RAD51B: variants seen among roughly 807,000 people sequenced by gnomAD.
RAD51B encodes the protein RAD51 paralog B.
Under a neutral mutation model 42.2 loss-of-function variants are expected in RAD51B, and 38 were observed. The ratio of observed to expected loss-of-function variants is 0.90; its 90% CI spans 0.70 to 1.18. The LOEUF is 1.18. RAD51B is among the 50% of genes most tolerant of loss of function. The pLI is 0.00. For missense variants in RAD51B, 373 were observed against 400.7 expected (o/e 0.93, Z 0.59); for synonymous variants, 154 against 145.2 (o/e 1.06, Z -0.43).
At chr14:68,087,845 T>TTATTATATATATAATTATATAATA in intron 7 of RAD51B, among the ~76,000 whole-genome samples, 1 of 126,386 alleles carries the variant, frequency 7.9e-6, no homozygotes, top group Non-Finnish European at 1.6e-5. Flanking sequence ...AATTATATAA[T>TTATTATATATATAATTATATAATA]TATTATATAT....
At chr14:68,314,830 C>T (rs1331046934) in intron 8 of RAD51B, among the ~76,000 whole-genome samples, 2 of 152,128 alleles carry the variant, frequency 1.3e-5, no homozygotes, top group Non-Finnish European at 1.5e-5. Context: ...TTCTTAATTA[C>T]GACTTCCCCT....
Position 68,267,995 on chromosome 14 carries a change from C to G in RAD51B, c.757-23889C>G, listed in dbSNP as rs565603646. Among the ~76,000 whole-genome samples the G allele has an allele frequency of 2.0e-5, 3 of 152,258 alleles. No homozygotes were observed. The South Asian group carries it at 6.2e-4, about 32-fold the overall frequency. On this transcript the variant is annotated intron_variant, in intron 7 of 10. Coordinates refer to ENST00000471583, the MANE Select transcript of RAD51B (RefSeq NM_133510.4). ...GCAGTTCTCAGCTGCAGTTATAAAT[C>G]ACTGTTGTTTTAAGTAAGTGACCTA...
intron 7 of RAD51B, among the ~76,000 whole-genome samples, chr14:67,907,829 A>G (rs1242613949): frequency 1.3e-5 from 2 of 151,360 alleles, no homozygotes; most frequent in African/African-American, 4.9e-5. Flanking sequence ...ACAGCTTACT[A>G]CAGCATTTAA....
chr14:68,260,043 A>G (rs1037469710), intron 7 of RAD51B, among the ~76,000 whole-genome samples: 1 of 152,066 alleles, frequency 6.6e-6, no homozygotes. Context: ...ATATTTGACC[A>G]GGGAAATAAA....
intron 7 of RAD51B, among the ~76,000 whole-genome samples, chr14:68,040,121 T>C (rs1383311586): frequency 6.6e-6 from 1 of 152,208 alleles, no homozygotes; most frequent in South Asian, 2.1e-4. Flanking sequence ...ATGCAACATA[T>C]ATGAATAAGG....
At chr14:67,995,968 T>G (rs2075377416) in intron 7 of RAD51B, among the ~76,000 whole-genome samples, 1 of 152,154 alleles carries the variant, frequency 6.6e-6, no homozygotes, top group Admixed American at 6.5e-5. Flanking sequence ...TGGTACAATT[T>G]ATTCATTCAA....
At chr14:68,630,410 T>A (rs1020517130) in intron 10 of RAD51B, among the ~76,000 whole-genome samples, 1 of 151,798 alleles carries the variant, frequency 6.6e-6, no homozygotes, top group Admixed American at 6.6e-5. Flanking sequence ...TGGAGCCACA[T>A]CTGGGAAGGT....
rs192321822 is a variant in RAD51B, at chr14:68,498,846, G to A, written c.1036+30596G>A. On this transcript the variant is annotated intron_variant, in intron 10 of 10. Transcript: ENST00000487270. ...GTATTATAATCTGTCTTCCCTTGCC[G>A]TCTGGTAGCTTAACTGTCAGCAATT... 5.3e-5 allele frequency among the ~76,000 whole-genome samples: 8 copies of A among 152,308 alleles called. No individual in the cohort carries two copies. The East Asian group carries it at 7.7e-4, about 15-fold the overall frequency.
chr14:68,274,622 G>A (rs1349367710), intron 7 of RAD51B, among the ~76,000 whole-genome samples: 1 of 151,910 alleles, frequency 6.6e-6, no homozygotes, highest in Non-Finnish European at 1.5e-5. Context: ...TTTTATTCTG[G>A]AGTACTTCCC....
intron 8 of RAD51B, among the ~76,000 whole-genome samples, chr14:68,393,950 G>A (rs995561702): frequency 2.0e-5 from 3 of 152,078 alleles, no homozygotes; most frequent in African/African-American, 7.2e-5. Flanking sequence ...TTAGGGCCAG[G>A]GAAGAAGACA....
intron 7 of RAD51B, among the ~76,000 whole-genome samples, chr14:68,288,094 G>T (rs994704615): frequency 1.6e-4 from 24 of 152,184 alleles, no homozygotes; most frequent in African/African-American, 4.8e-4. Flanking sequence ...AAAACCCCAT[G>T]AAGCGTCAGT....
intron 11 of RAD51B, among the ~76,000 whole-genome samples, chr14:68,656,675 T>C (rs1336665684): frequency 6.6e-6 from 1 of 152,152 alleles, no homozygotes; most frequent in Non-Finnish European, 1.5e-5. Context: ...AGTGTGACCT[T>C]TGGGCCTGCC....
rs573090274 is a variant in RAD51B at position 68,535,280 on chromosome 14, T to C, written c.1037-59205T>C. 1.5e-4 allele frequency among the ~76,000 whole-genome samples: 23 copies of C among 152,332 alleles called. No homozygotes were observed. In the South Asian group the frequency reaches 2.3e-3, roughly 15 times the overall value. ...TCAAAAGTTAGTCTAAAAGCTAGCC[T>C]AGGGCATTTGCTGCCTCTAATGTCC... On this transcript the variant is annotated intron_variant, in intron 10 of 10. Transcript: ENST00000487270.
chr14:68,112,448 T>G lies in RAD51B; in HGVS notation c.757-179436T>G, dbSNP rs538003926. On this transcript the variant is annotated intron_variant, in intron 7 of 10. Transcript: ENST00000471583. ...TCATAGGGTGCCTAGCTCCCTGGAC[T>G]AAGATAGATGGCAGAATGTGCGTAG... is the stretch of plus-strand genomic sequence containing the variant. Among the ~76,000 whole-genome samples the G allele has an allele frequency of 2.6e-5, 4 of 152,228 alleles. No individual in the cohort carries two copies. In the East Asian group the frequency reaches 7.7e-4, roughly 29 times the overall value.
chr14:68,008,736 A>G (rs573324269), intron 7 of RAD51B, among the ~76,000 whole-genome samples: 1 of 152,108 alleles, frequency 6.6e-6, no homozygotes, highest in South Asian at 2.1e-4. Context: ...GCAGTGTTGA[A>G]ATGAAATACT....
intron 9 of RAD51B, among the ~76,000 whole-genome samples, chr14:68,420,898 T>A (rs771662740): frequency 3.3e-5 from 5 of 152,198 alleles, no homozygotes; most frequent in Admixed American, 1.3e-4. Flanking sequence ...CTGTTTTAAT[T>A]TAGGAATAAA....
chr14:68,363,745 G>T (rs952997446), intron 8 of RAD51B, among the ~76,000 whole-genome samples: 1 of 152,178 alleles, frequency 6.6e-6, no homozygotes, highest in Admixed American at 6.5e-5. Flanking sequence ...GAGTGGGAGT[G>T]TGTGTGCACA....
intron 7 of RAD51B, among the ~76,000 whole-genome samples, chr14:67,935,324 C>T (rs1277814580): frequency 1.3e-5 from 2 of 152,092 alleles, no homozygotes; most frequent in Admixed American, 6.6e-5. Context: ...CAGTTGTATG[C>T]TAGAGATGGA....
At chr14:68,092,671 C>T (rs2077121669) in intron 7 of RAD51B, among the ~76,000 whole-genome samples, 1 of 152,126 alleles carries the variant, frequency 6.6e-6, no homozygotes, top group African/African-American at 2.4e-5. Flanking sequence ...TTCCCCTTTT[C>T]CTAATTGAAT....
Sources: gnomAD v4.1 joint callset for allele counts (sites outside exome capture counted in the v4.1 genomes callset) on GRCh38, gnomAD v4.1.1 for gene constraint, MANE v1.5 for transcripts, NCBI Gene and HGNC (gene_info 2026-07-23, HGNC 2026-07-21) for gene names.